The following UNC13D variants were observed in gnomAD, a reference collection of about 807,000 sequenced individuals.
UNC13D encodes the protein protein unc-13 homolog D.
Under a neutral mutation model 151.7 loss-of-function variants are expected in UNC13D, and 115 were observed. The ratio of observed to expected loss-of-function variants is 0.76; its 90% CI spans 0.65 to 0.88. The LOEUF (loss-of-function observed/expected upper bound fraction) is 0.88, where lower values mean the gene tolerates loss of function less well. UNC13D is among the 40% of genes least tolerant of loss of function. UNC13D has a pLI of 0.00. For synonymous variants in UNC13D, 588 were observed against 612.2 expected (o/e 0.96, Z 0.58); for missense variants, 1,369 against 1,438.7 (o/e 0.95, Z 0.78).
Position 75,834,206 on chromosome 17 carries a change from T to C in UNC13D, c.2299-63A>G, listed in dbSNP as rs572439591. ...CATGAGTCGGGGATGGAAGAGTTCC[T>C]TAGGGCCTGAGTTTAGACGCACGAA... is the stretch of plus-strand genomic sequence containing the variant. On this transcript the variant is annotated intron_variant, in intron 23 of 31. Transcript: ENST00000207549. 3.7e-5 allele frequency: 59 copies of C among 1,604,604 alleles called. No individual in the cohort carries two copies. In the South Asian group the frequency reaches 5.8e-4, roughly 16 times the overall value.
In UNC13D at chr17:75,839,830, T is replaced by C; in HGVS notation, c.1055+9A>G. Reference sequence around the variant, plus strand: ...GGCTCAGGGGTTCTGCCCAGGGCTGTGTACTCACGCCATGGACTGGTGGAA... The same window carrying C: ...GGCTCAGGGGTTCTGCCCAGGGCTGCGTACTCACGCCATGGACTGGTGGAA... On this transcript the variant is annotated intron_variant, in intron 12 of 31. Coordinates refer to ENST00000207549, the MANE Select transcript of UNC13D (RefSeq NM_199242.3). 2 of 1,613,190 alleles carry C rather than the reference T, an allele frequency of 1.2e-6. No individual in the cohort carries two copies. The highest frequency in any genetic ancestry group is 1.7e-6 in the Non-Finnish European group (2 of 1,179,688).
intron 25 of UNC13D, 112 bp from the exon 26 acceptor site, chr17:75,831,460 T>A (rs1485308192): frequency 2.1e-6 from 2 of 967,596 alleles, no homozygotes; most frequent in Non-Finnish European, 3.1e-6. Flanking sequence ...CCACCCCAGC[T>A]CCTCCCACCC....
At chr17:75,828,159 G>T in intron 31 of UNC13D, 73 bp from the exon 32 acceptor site, 5 of 1,534,718 alleles carry the variant, frequency 3.3e-6, no homozygotes, top group African/African-American at 1.4e-5. Flanking sequence ...AGAAGAGTGT[G>T]TGGGGGGGTA....
intron 20 of UNC13D, 102 bp from the exon 21 acceptor site, chr17:75,835,165 G>C: frequency 6.4e-7 from 1 of 1,553,400 alleles, no homozygotes. Flanking sequence ...GAGCTGGGCA[G>C]GGAGCTTCAC....
Position 75,840,226 on chromosome 17 carries a change from C to G in UNC13D, c.857G>C (p.Arg286Pro), listed in dbSNP as rs139155193. The G allele has an allele frequency of 6.2e-7, 1 of 1,613,960 alleles. No homozygotes were observed. The highest frequency in any genetic ancestry group is 1.7e-5 in the Admixed American group (1 of 60,022). Residue 286 changes from arginine to proline, a missense_variant and splice_region_variant, in exon 10 of 32, where the codon CGG becomes CCG. Physicochemically the swap from Arg to Pro is moderately radical, Grantham distance 103. Around this residue, in one of 3 missense-constraint regions of UNC13D, gnomAD observed 550 missense variants for 609.0 expected, o/e 0.90. Transcript: ENST00000207549. This position sits in a 1 kb window ranked among gnomAD's most constrained non-coding sequence, Gnocchi z 4.6. ...CHLQFQLIHK[R>P]RATSASRSQP... is the part of the protein sequence containing the mutation. The stretch of plus-strand genomic sequence containing the variant: ...CCACTGGCCCAGTACCCGACCTACC[C>G]GCTTATGGATGAGTTGGAACTGGAG...
At chr17:75,835,169 G>A (rs2064898635) in intron 20 of UNC13D, 106 bp from the exon 21 acceptor site, 30 of 1,547,078 alleles carry the variant, frequency 1.9e-5, no homozygotes, top group African/African-American at 2.7e-5. Context: ...TGGGCAGGGA[G>A]CTTCACAAGA....
At position 75,827,632 on chromosome 17, in the gene UNC13D, G is replaced by A; in HGVS notation, c.*333C>T. 1 of 1,535,338 alleles carries A rather than the reference G, an allele frequency of 6.5e-7. No individual in the cohort carries two copies. The highest frequency in any genetic ancestry group is 8.7e-7 in the Non-Finnish European group (1 of 1,146,654). On this transcript the variant is annotated 3_prime_UTR_variant, in exon 32 of 32. Coordinates refer to ENST00000207549, the MANE Select transcript of UNC13D (RefSeq NM_199242.3). ...GGAAGGCCAGGAGGCAGATGGGCCA[G>A]GGCCAGGAGACAGATGGCCCAATCC...
chr17:75,842,250 G>C (rs1287327930), intron 6 of UNC13D, among the ~76,000 whole-genome samples, 183 bp downstream of exon 6: 2 of 152,226 alleles, frequency 1.3e-5, no homozygotes, highest in Non-Finnish European at 2.9e-5. Context: ...CATTGATCTT[G>C]TTCTGTCCCA....
Position 75,828,019 on chromosome 17 carries a change from C to T in UNC13D, c.3219G>A (p.Leu1073=). Reference sequence around the variant, plus strand: ...AGGCCTGCTTGGCCCGGTGCCGCCGCAGCCTCACAAAGACCTGGGCTTCTC... The same window carrying T: ...AGGCCTGCTTGGCCCGGTGCCGCCGTAGCCTCACAAAGACCTGGGCTTCTC... ...GDREAQVFVR[L]RRHRAKQASQ... The change falls in exon 32 of 32, where the codon CTG becomes CTA. Residue 1073 remains leucine, a synonymous_variant. Transcript: ENST00000207549. The T allele has an allele frequency of 6.3e-7, 1 of 1,592,836 alleles. No individual in the cohort carries two copies. The highest frequency in any genetic ancestry group is 8.5e-7 in the Non-Finnish European group (1 of 1,170,728).
Position 75,840,729 on chromosome 17 carries a change from CA to C in UNC13D, c.683+32del. On this transcript the variant is annotated intron_variant, in intron 8 of 31. Coordinates refer to ENST00000207549, the MANE Select transcript of UNC13D (RefSeq NM_199242.3). The surrounding 1 kb of genome is among the most constrained non-coding windows in gnomAD (Gnocchi z 4.6). ...GGGGGATGGAGGGCAAAAGGAGCCCCAACCCCTTCCCTGTGAGCCCTGCAAC... is the reference window on the plus strand; with the variant it reads ...GGGGGATGGAGGGCAAAAGGAGCCCCACCCCTTCCCTGTGAGCCCTGCAAC... 1 of 1,613,648 alleles carries C rather than the reference CA, an allele frequency of 6.2e-7. No homozygotes were observed. Among genetic ancestry groups the C allele is most frequent in the South Asian group, 1.1e-5 (1 of 91,056 alleles).
At position 75,832,742 on chromosome 17, in the gene UNC13D, G is replaced by A. The variant is rs1324949202; in HGVS notation, c.2447+224C>T. ...CCTGCAGCGAGCCTTAGCAGAGCCTGTTGCACCCATAAGGGAGGTCACCAA... is the reference window on the plus strand; with the variant it reads ...CCTGCAGCGAGCCTTAGCAGAGCCTATTGCACCCATAAGGGAGGTCACCAA... On this transcript the variant is annotated intron_variant, in intron 25 of 31. Coordinates refer to ENST00000207549, the MANE Select transcript of UNC13D (RefSeq NM_199242.3). This position sits in a 1 kb window ranked among gnomAD's most constrained non-coding sequence, Gnocchi z 4.3. 5.8e-6 allele frequency: 3 copies of A among 517,090 alleles called. No homozygotes were observed. The East Asian group carries it at 9.9e-5, about 17-fold the overall frequency. 32.0% of individuals were successfully genotyped at this position (517,090 alleles called of 1,614,324 possible). A position where few individuals can be genotyped will look rare whatever the true frequency, so the allele number is the denominator to read the frequency against.
Position 75,827,576 on chromosome 17 carries a change from GA to G in UNC13D, c.*388del. 6.5e-7 allele frequency: 1 copy of G among 1,535,296 alleles called. No individual in the cohort carries two copies. Among genetic ancestry groups the G allele is most frequent in the Non-Finnish European group, 8.7e-7 (1 of 1,146,608 alleles). On this transcript the variant is annotated 3_prime_UTR_variant, in exon 32 of 32. Coordinates refer to ENST00000207549, the MANE Select transcript of UNC13D (RefSeq NM_199242.3). Reference sequence around the variant, plus strand: ...CTGTGCCTGTAGCCCTGGTCCCAGTGAACCTGGCCCCCACCCCAGTGGCTGG... The same window carrying G: ...CTGTGCCTGTAGCCCTGGTCCCAGTGACCTGGCCCCCACCCCAGTGGCTGG...
chr17:75,836,590 CGG>C lies in UNC13D; in HGVS notation c.1278_1279del (p.Arg427AlafsTer33). On this transcript the variant is annotated frameshift_variant, in exon 14 of 32. Coordinates refer to ENST00000207549, the MANE Select transcript of UNC13D (RefSeq NM_199242.3). LOFTEE classifies it high-confidence loss of function. ...CACTGACCTGAGAAGAGACTGCAGC[CGG>C]GCTGGGGAGTCCGAGACAGAGAGGG... 1 of 1,613,714 alleles carries C rather than the reference CGG, an allele frequency of 6.2e-7. No homozygotes were observed.
chr17:75,840,284 T>A lies in UNC13D; in HGVS notation c.799A>T (p.Thr267Ser). 1 of 1,613,910 alleles carries A rather than the reference T, an allele frequency of 6.2e-7. No homozygotes were observed. Residue 267 changes from threonine (T) to serine (S), a missense_variant, in exon 10 of 32, where the codon ACT becomes TCT. Transcript: ENST00000207549. This position sits in a 1 kb window ranked among gnomAD's most constrained non-coding sequence, Gnocchi z 4.6. ...EDQWYPLEPR[T>S]ETYPDRGQCH... The stretch of plus-strand genomic sequence containing the variant: ...TGGCCTCGGTCTGGGTAGGTCTCAG[T>A]GCGGGGTTCCAGGGGGTACCACTGG...
rs1314585968 is a variant in UNC13D, at chr17:75,835,403, C to T, written c.1848+6G>A. The T allele has an allele frequency of 6.2e-7, 1 of 1,611,432 alleles. No homozygotes were observed. Among genetic ancestry groups the T allele is most frequent in the Admixed American group, 1.7e-5 (1 of 59,972 alleles). The stretch of plus-strand genomic sequence containing the variant: ...GCCCCGCCCCCTGCCCTGGCCACGC[C>T]CCCACCTCATCCATCTGCACAGCGC... On this transcript the variant is annotated splice_donor_region_variant and intron_variant, in intron 20 of 31. Coordinates refer to ENST00000207549, the MANE Select transcript of UNC13D (RefSeq NM_199242.3).
intron 12 of UNC13D, among the ~76,000 whole-genome samples, chr17:75,837,458 T>C (rs1157457428): frequency 6.6e-6 from 1 of 151,442 alleles, no homozygotes; most frequent in Non-Finnish European, 1.5e-5. Flanking sequence ...TTGCTGTTTT[T>C]GAAAAATTGG....
Position 75,836,881 on chromosome 17 carries a change from C to A in UNC13D, c.1093G>T (p.Glu365Ter). Residue 365 changes from glutamate to a stop codon, truncating the protein, a stop_gained, in exon 13 of 32, where the codon GAG (glutamate) becomes TAG (stop). Coordinates refer to ENST00000207549, the MANE Select transcript of UNC13D (RefSeq NM_199242.3). LOFTEE classifies it high-confidence loss of function. ...TGCAGGAGGCAGCTGCTGGGGAACT[C>A]CAGGCTCTGGTAGAGGCGGCTGTAG... ...LAYSRLYQSL[E>*]FPSSCLLHPI... 2 of 1,613,724 alleles carry A rather than the reference C, an allele frequency of 1.2e-6. No individual in the cohort carries two copies. The highest frequency in any genetic ancestry group is 1.7e-6 in the Non-Finnish European group (2 of 1,180,014).
intron 6 of UNC13D, among the ~76,000 whole-genome samples, chr17:75,841,802 G>A (rs1418274766): frequency 2.0e-5 from 3 of 147,876 alleles, no homozygotes; most frequent in African/African-American, 7.6e-5. Context: ...AGGCTGGAGT[G>A]CAGTGGTGCT....
chr17:75,842,042 C>T (rs147279708), intron 6 of UNC13D, among the ~76,000 whole-genome samples: 2,575 of 152,018 alleles, frequency 0.017, 34 homozygotes, highest in South Asian at 0.028. Flanking sequence ...CCACCACGCC[C>T]GGCCTTTTTT....
Sources: allele counts gnomAD v4.1 joint callset (sites outside exome capture counted in the v4.1 genomes callset), GRCh38; gene constraint gnomAD v4.1.1; regional missense constraint gnomAD v4.1.1; non-coding constraint Gnocchi (gnomAD v3.1); transcripts MANE v1.5; gene names NCBI Gene and HGNC (gene_info 2026-07-23, HGNC 2026-07-21).